Variants in NCAPG2 observed in about 807,000 individuals in gnomAD.
NCAPG2 encodes non-SMC condensin II complex subunit G2.
In NCAPG2, 53 loss-of-function variants were observed where a neutral mutation model predicts 141.1. That is an observed-to-expected ratio of 0.38 (90% CI 0.30 to 0.47). The LOEUF (loss-of-function observed/expected upper bound fraction) is 0.47. Among genes scored for constraint, NCAPG2 ranks in the 20% least tolerant of loss-of-function variants. The pLI is 0.99. For missense variants in NCAPG2, 1,087 were observed against 1,389.0 expected, an observed-to-expected ratio of 0.78 and a Z score of 3.46; for synonymous variants, 499 against 490.7, an observed-to-expected ratio of 1.02 and a Z score of -0.22.
rs1186086252 is a variant in NCAPG2, at chr7:158,675,458, A to G, written c.1326+19T>C. On this transcript the variant is annotated intron_variant, in intron 12 of 27. Coordinates refer to ENST00000356309, the MANE Select transcript of NCAPG2 (RefSeq NM_017760.7). ...TCTACAACAAATAAACATTACTTAC[A>G]TAATTTAAAAAATCTTACCTTAAAG... is the stretch of plus-strand genomic sequence containing the variant. 7 of 1,553,502 alleles carry G rather than the reference A, an allele frequency of 4.5e-6. No individual in the cohort carries two copies. The South Asian group carries it at 4.8e-5, about 11-fold the overall frequency.
chr7:158,645,682 G>C, intron 25 of NCAPG2, 63 bp from the exon 26 acceptor site: 1 of 1,461,618 alleles, frequency 6.8e-7, no homozygotes, highest in Non-Finnish European at 9.5e-7. Context: ...CATTATAGCA[G>C]AAGTACAGCC....
chr7:158,663,916 C>G (rs1337500696), intron 15 of NCAPG2, among the ~76,000 whole-genome samples: 1 of 152,182 alleles, frequency 6.6e-6, no homozygotes, highest in Non-Finnish European at 1.5e-5. Context: ...AACTGAAATA[C>G]AGAGACATTT....
At position 158,658,367 on chromosome 7, in the gene NCAPG2, A is replaced by T; in HGVS notation, c.2031T>A (p.Phe677Leu). 1 of 1,612,520 alleles carries T rather than the reference A, an allele frequency of 6.2e-7. No homozygotes were observed. The highest frequency in any genetic ancestry group is 8.5e-7 in the Non-Finnish European group (1 of 1,179,230). ...CKIPLFMLMS[F>L]MPASAVPPFS... ...ATGGGGGGACAGCAGAGGCCGGCAT[A>T]AAGGACATTAGCATGAATAAAGGGA... is the stretch of plus-strand genomic sequence containing the variant. The change falls in exon 17 of 28, where the codon TTT becomes TTA. Residue 677 changes from phenylalanine (F) to leucine (L), a missense_variant. Coordinates refer to ENST00000356309, the MANE Select transcript of NCAPG2 (RefSeq NM_017760.7).
intron 27 of NCAPG2, chr7:158,641,670 G>C (rs1587065498): frequency 4.6e-6 from 2 of 438,244 alleles, no homozygotes; most frequent in East Asian, 6.9e-5. Flanking sequence ...ACAGTAAGAA[G>C]AATTATCAGA....
At chr7:158,701,704 A>G (rs978954326) in intron 2 of NCAPG2, 118 bp downstream of exon 2, 2 of 904,022 alleles carry the variant, frequency 2.2e-6, no homozygotes, top group South Asian at 3.1e-5. Flanking sequence ...TTTCAAATAA[A>G]CATTGGTCGC....
At position 158,652,465 on chromosome 7, in the gene NCAPG2, T is replaced by A; in HGVS notation, c.2762A>T (p.Tyr921Phe). 1.3e-6 allele frequency: 2 copies of A among 1,595,738 alleles called. No homozygotes were observed. The highest frequency in any genetic ancestry group is 2.7e-5 in the African/African-American group (2 of 73,696). The change falls in exon 23 of 28, where the codon TAT (tyrosine) becomes TTT (phenylalanine). Residue 921 changes from tyrosine (Y) to phenylalanine (F), a missense_variant. Tyr to Phe is a conservative substitution (Grantham distance 22). Transcript: ENST00000356309. ...CAGAATGTCAAGAAGTAATGAAACA[T>A]AAAAAAATCCCTTCACTAGAAAGAA... is the stretch of plus-strand genomic sequence containing the variant. ...GIMQTVKGFF[Y>F]VSLLLDILKE... is the part of the protein sequence containing the mutation.
intron 3 of NCAPG2, 24 bp from the exon 4 acceptor site, chr7:158,692,980 G>T: frequency 7.2e-7 from 1 of 1,396,396 alleles, no homozygotes; most frequent in Non-Finnish European, 9.9e-7. Context: ...ATCAAAGCAT[G>T]AGTGAATTAA....
intron 27 of NCAPG2, among the ~76,000 whole-genome samples, chr7:158,634,524 G>A (rs1178316793): frequency 2.0e-5 from 3 of 152,284 alleles, no homozygotes; most frequent in East Asian, 3.9e-4. Context: ...ATTTACGAAC[G>A]TGGAACCCAT....
chr7:158,690,859 C>A, intron 4 of NCAPG2, 137 bp from the exon 5 acceptor site: 1 of 754,620 alleles, frequency 1.3e-6, no homozygotes, highest in Non-Finnish European at 2.0e-6. Context: ...TTTAACTTGC[C>A]AAAGATTTAT....
At chr7:158,642,292 C>T (rs539512918) in intron 27 of NCAPG2, among the ~76,000 whole-genome samples, 7 of 152,264 alleles carry the variant, frequency 4.6e-5, no homozygotes, top group East Asian at 1.9e-4. Flanking sequence ...AATCTCAGAA[C>T]GTTAGGAGGC....
chr7:158,690,494 ATGATCATGC>A (rs1835047594), intron 5 of NCAPG2, 65 bp downstream of exon 5: 3 of 1,434,084 alleles, frequency 2.1e-6, no homozygotes, highest in Non-Finnish European at 2.9e-6. Flanking sequence ...GCAGTGAGCT[ATGATCATGC>A]CACTGCACTC....
At chr7:158,638,604 T>C (rs1830443019) in intron 27 of NCAPG2, among the ~76,000 whole-genome samples, 1 of 152,050 alleles carries the variant, frequency 6.6e-6, no homozygotes, top group Admixed American at 6.6e-5. Flanking sequence ...AATAAAAGGG[T>C]CAATTAATCA....
At chr7:158,638,673 A>C (rs987159470) in intron 27 of NCAPG2, among the ~76,000 whole-genome samples, 4 of 152,240 alleles carry the variant, frequency 2.6e-5, no homozygotes, top group Non-Finnish European at 5.9e-5. Flanking sequence ...AAAATATATA[A>C]TGCAAAAGCA....
chr7:158,662,777 G>A (rs1284152260), intron 15 of NCAPG2, among the ~76,000 whole-genome samples: 1 of 152,098 alleles, frequency 6.6e-6, no homozygotes, highest in Non-Finnish European at 1.5e-5. Flanking sequence ...TTTCCTCCAA[G>A]GTGACTGCTA....
intron 27 of NCAPG2, among the ~76,000 whole-genome samples, chr7:158,634,821 G>A (rs1013653498): frequency 3.2e-4 from 49 of 152,148 alleles, no homozygotes; most frequent in African/African-American, 1.7e-4. Flanking sequence ...GTAAATCAGA[G>A]AAATAAGAAC....
chr7:158,662,405 C>T (rs1832584313), intron 15 of NCAPG2, 38 bp from the exon 16 acceptor site: 1 of 1,483,728 alleles, frequency 6.7e-7, no homozygotes, highest in Admixed American at 2.4e-5. Flanking sequence ...AGGATCTAAT[C>T]ATAGCAACTA....
At chr7:158,645,719 A>G (rs1830962647) in intron 25 of NCAPG2, 100 bp from the exon 26 acceptor site, 2 of 1,037,902 alleles carry the variant, frequency 1.9e-6, no homozygotes, top group African/African-American at 1.6e-5. Flanking sequence ...CACAAACCCC[A>G]GTTTGCAGGG....
intron 14 of NCAPG2, 103 bp from the exon 15 acceptor site, chr7:158,664,399 T>G (rs1832759635): frequency 2.0e-6 from 3 of 1,502,504 alleles, no homozygotes; most frequent in Admixed American, 1.8e-5. Flanking sequence ...AGTACTATTT[T>G]AAGGGAAATC....
At chr7:158,671,369 C>T (rs1293314766) in intron 13 of NCAPG2, 145 bp downstream of exon 13, 7 of 1,084,278 alleles carry the variant, frequency 6.5e-6, no homozygotes, top group Non-Finnish European at 9.5e-6. Context: ...TGATGAAAAA[C>T]ACAAAATAAC....
Sources: gnomAD v4.1 joint callset for allele counts (sites outside exome capture counted in the v4.1 genomes callset) on GRCh38, gnomAD v4.1.1 for gene constraint, MANE v1.5 for transcripts, NCBI Gene and HGNC (gene_info 2026-07-23, HGNC 2026-07-21) for gene names.